The following HECTD4 variants were observed in gnomAD, a reference collection of about 807,000 sequenced individuals.
HECTD4 encodes the protein HECT domain E3 ubiquitin protein ligase 4, also known as probable E3 ubiquitin-protein ligase HECTD4.
HECTD4 carries 114 observed loss-of-function variants against 471.5 expected under a neutral mutation model. The ratio of observed to expected loss-of-function variants is 0.24; its 90% CI spans 0.21 to 0.28. The LOEUF is 0.28. Among genes scored for constraint, HECTD4 ranks in the 10% least tolerant of loss-of-function variants. HECTD4 has a pLI of 1.00. For missense variants in HECTD4, 3,866 were observed against 5,651.5 expected, an observed-to-expected ratio of 0.68 and a Z score of 10.13; for synonymous variants, 2,012 against 2,256.0, an observed-to-expected ratio of 0.89 and a Z score of 3.07.
chr12:112,173,401 A>AT lies in HECTD4; in HGVS notation c.11595-541dup, dbSNP rs1466741894. Among the ~76,000 whole-genome samples, 2 of 151,108 alleles carry AT rather than the reference A, an allele frequency of 1.3e-5. No individual in the cohort carries two copies. The highest frequency in any genetic ancestry group is 1.3e-4 in the Admixed American group (2 of 15,136). ...TTAATTTTTTTATTTTTATTTATTT[A>AT]TTTTTTGAGATGGAGTCTCGCTCTA... On this transcript the variant is annotated intron_variant, in intron 66 of 75. Coordinates refer to ENST00000682272, the MANE Select transcript of HECTD4 (RefSeq NM_001388303.1). The surrounding 1 kb of genome is among the most constrained non-coding windows in gnomAD (Gnocchi z 4.3).
rs1221006088 is a variant in HECTD4 at position 112,381,363 on chromosome 12, C to T, written c.177+589G>A. On this transcript the variant is annotated intron_variant, in intron 1 of 75. Coordinates refer to ENST00000682272, the MANE Select transcript of HECTD4 (RefSeq NM_001388303.1). The surrounding 1 kb of genome is among the most constrained non-coding windows in gnomAD (Gnocchi z 4.1). ...GGAGCATCCCTCTCGCTGTCCACAG[C>T]GCCCGCTTCCCTGACAAAGGCCCCG... Among the ~76,000 whole-genome samples the T allele has an allele frequency of 6.6e-6, 1 of 152,126 alleles. No homozygotes were observed. The highest frequency in any genetic ancestry group is 2.4e-5 in the African/African-American group (1 of 41,440).
chr12:112,204,459 T>C (rs772567188), intron 53 of HECTD4, 27 bp downstream of exon 53: 18 of 1,593,626 alleles, frequency 1.1e-5, no homozygotes, highest in Non-Finnish European at 1.5e-5. Flanking sequence ...GGAAATTTCA[T>C]AGGTCGAGTA....
In HECTD4 at chr12:112,166,070, A is replaced by T. The variant is rs1250453322; in HGVS notation, c.12534+1247T>A. ...GGGCCTTGGCCATCCCTGTAGCCAG[A>T]AGCCTCAGCTGGCCTGTCTACCGGG... On this transcript the variant is annotated intron_variant, in intron 72 of 75. Coordinates refer to ENST00000682272, the MANE Select transcript of HECTD4 (RefSeq NM_001388303.1). This position sits in a 1 kb window ranked among gnomAD's most constrained non-coding sequence, Gnocchi z 4.6. 6.6e-6 allele frequency: 1 copy of T among 152,616 alleles called. No individual in the cohort carries two copies. Among genetic ancestry groups the T allele is most frequent in the Non-Finnish European group, 1.5e-5 (1 of 68,396 alleles). 9.5% of individuals were successfully genotyped at this position (152,616 alleles called of 1,614,324 possible). A position where few individuals can be genotyped will look rare whatever the true frequency, so the allele number is the denominator to read the frequency against.
intron 1 of HECTD4, among the ~76,000 whole-genome samples, chr12:112,340,686 G>C (rs1441226080): frequency 6.6e-6 from 1 of 152,140 alleles, no homozygotes; most frequent in Non-Finnish European, 1.5e-5. Context: ...TAGAGTGTGT[G>C]CAGTAAGGCT....
rs578147461 is a variant in HECTD4, at chr12:112,292,971, GA to G, written c.1336-9670del. On this transcript the variant is annotated intron_variant, in intron 7 of 75. Coordinates refer to ENST00000682272, the MANE Select transcript of HECTD4 (RefSeq NM_001388303.1). The stretch of plus-strand genomic sequence containing the variant: ...CAGGAGGCGGAGGTTGCAGTGAGCT[GA>G]GATCACACCATTGCACTCCAGCCTG... Among the ~76,000 whole-genome samples, 129 of 151,950 alleles carry G rather than the reference GA, an allele frequency of 8.5e-4. 1 individual carries two copies. The Middle Eastern group carries it at 0.01, about 12-fold the overall frequency.
Position 112,212,221 on chromosome 12 carries a change from C to G in HECTD4, c.7629+266G>C, listed in dbSNP as rs190184511. ...GACATTTGAAAGAACTCTAGTGTTCCTTGCATTGTTGTCTGGGAAAGGTTG... is the reference window on the plus strand; with the variant it reads ...GACATTTGAAAGAACTCTAGTGTTCGTTGCATTGTTGTCTGGGAAAGGTTG... On this transcript the variant is annotated intron_variant, in intron 49 of 75. Transcript: ENST00000682272. 1.7e-3 allele frequency among the ~76,000 whole-genome samples: 254 copies of G among 152,306 alleles called. 1 individual carries two copies. Among genetic ancestry groups the G allele is most frequent in the Non-Finnish European group, 3.7e-4 (25 of 68,026 alleles).
chr12:112,228,154 A>G lies in HECTD4; in HGVS notation c.6789T>C (p.Pro2263=). The change falls in exon 43 of 76, where the codon CCT becomes CCC. Residue 2263 remains proline (P), a synonymous_variant. Transcript: ENST00000682272. The surrounding 1 kb of genome is among the most constrained non-coding windows in gnomAD (Gnocchi z 4.9). ...CAGGAGCTGACCCATCTCCTGTTGC[A>G]GGAAGTGAGGTGTGAATAGAGAGAC... ...EGSLSIHTSL[P]ATGDGSAPVM... is the part of the protein sequence containing the mutation. The G allele has an allele frequency of 1.2e-6, 2 of 1,613,910 alleles. No individual in the cohort carries two copies. The highest frequency in any genetic ancestry group is 1.1e-5 in the South Asian group (1 of 91,074).
At chr12:112,231,192 G>A in intron 39 of HECTD4, 1 of 455,674 alleles carries the variant, frequency 2.2e-6, no homozygotes, top group Non-Finnish European at 4.0e-6. Flanking sequence ...TTCAGTTGGG[G>A]CAGTGGAGAT....
intron 1 of HECTD4, among the ~76,000 whole-genome samples, chr12:112,364,827 C>A (rs1287705677): frequency 6.6e-6 from 1 of 152,204 alleles, no homozygotes; most frequent in Non-Finnish European, 1.5e-5. Flanking sequence ...AAAATAACTA[C>A]CTATTCTTAT....
At chr12:112,350,877 A>G (rs1204364039) in intron 1 of HECTD4, among the ~76,000 whole-genome samples, 3 of 152,200 alleles carry the variant, frequency 2.0e-5, no homozygotes, top group Non-Finnish European at 4.4e-5. Flanking sequence ...CTCTTTGGCT[A>G]ATGTGGCTAG....
chr12:112,165,024 C>A (rs574370839), intron 72 of HECTD4, among the ~76,000 whole-genome samples: 1 of 149,460 alleles, frequency 6.7e-6, no homozygotes, highest in East Asian at 2.0e-4. Context: ...TGGGTTCAAG[C>A]AATTCTCTGC....
intron 7 of HECTD4, among the ~76,000 whole-genome samples, chr12:112,288,768 A>G (rs1475308389): frequency 6.6e-6 from 1 of 152,208 alleles, no homozygotes; most frequent in Admixed American, 6.5e-5. Flanking sequence ...GAGAGGCCCT[A>G]GAGGATGACA....
intron 29 of HECTD4, among the ~76,000 whole-genome samples, chr12:112,245,166 C>A (rs1175197333): frequency 6.6e-6 from 1 of 152,006 alleles, no homozygotes; most frequent in Non-Finnish European, 1.5e-5. Context: ...CCATGCCTGG[C>A]TAATTTTTAT....
intron 69 of HECTD4, 138 bp downstream of exon 69, chr12:112,170,195 C>G: frequency 1.6e-6 from 2 of 1,237,912 alleles, no homozygotes. Flanking sequence ...CAGGAAGCCA[C>G]ACACCAGGGC....
rs912834302 is a variant in HECTD4 at position 112,166,309 on chromosome 12, G to A, written c.12534+1008C>T. On this transcript the variant is annotated intron_variant, in intron 72 of 75. Coordinates refer to ENST00000682272, the MANE Select transcript of HECTD4 (RefSeq NM_001388303.1). This position sits in a 1 kb window ranked among gnomAD's most constrained non-coding sequence, Gnocchi z 4.6. ...TTGTCTTGCAATGGCTGCCCTGAGT[G>A]ACCCAGGGGGACAATGGCAGAGACC... 2 of 152,240 alleles carry A rather than the reference G, an allele frequency of 1.3e-5. No individual in the cohort carries two copies. Among genetic ancestry groups the A allele is most frequent in the African/African-American group, 2.4e-5 (1 of 41,466 alleles). The allele number at this position is 152,240 out of a possible 1,614,324, so 9.4% of individuals were successfully genotyped here.
rs2033381255 is a variant in HECTD4 at position 112,231,579 on chromosome 12, G to T, written c.6134C>A (p.Ser2045Tyr). ...GGCAGTTTTCTTTTTGTCGCCTGTG[G>T]ATAGTCCACTCACAGTCTCTGGGTT... The part of the protein sequence containing the change: ...SINPETVSGL[S>Y]TGDKKKTAQT... The change falls in exon 39 of 76, where the codon TCC (serine) becomes TAC (tyrosine). Residue 2045 changes from serine to tyrosine, a missense_variant. By Grantham distance (144) the Ser-to-Tyr change is moderately radical. Around this residue, in one of 16 missense-constraint regions of HECTD4, gnomAD observed 617 missense variants for 915.1 expected, o/e 0.67. Transcript: ENST00000682272. The T allele has an allele frequency of 6.2e-7, 1 of 1,614,008 alleles. No homozygotes were observed. The highest frequency in any genetic ancestry group is 8.5e-7 in the Non-Finnish European group (1 of 1,179,886).
Position 112,253,574 on chromosome 12 carries a change from C to G in HECTD4, c.3447+469G>C, listed in dbSNP as rs16941968. Among the ~76,000 whole-genome samples, 8,491 of 152,228 alleles carry G rather than the reference C, an allele frequency of 0.056. 1,301 individuals carry two copies. In the East Asian group the frequency reaches 0.61, roughly 11 times the overall value. On this transcript the variant is annotated intron_variant, in intron 22 of 75. Coordinates refer to ENST00000682272, the MANE Select transcript of HECTD4 (RefSeq NM_001388303.1). ...TATATTCATATTCCAGGCAGATACA[C>G]AGTTAAGTAGTTTGAGGGCCAAATT...
chr12:112,360,098 GGT>G, intron 1 of HECTD4, among the ~76,000 whole-genome samples: 1 of 152,168 alleles, frequency 6.6e-6, no homozygotes, highest in African/African-American at 2.4e-5. Context: ...TATTTTTCTT[GGT>G]AACTAGAAGA....
intron 3 of HECTD4, among the ~76,000 whole-genome samples, chr12:112,313,648 C>T (rs1309506802): frequency 1.3e-5 from 2 of 151,918 alleles, no homozygotes; most frequent in African/African-American, 2.4e-5. Flanking sequence ...CCATCACGCC[C>T]GGCTAATTTT....
Sources: allele counts gnomAD v4.1 joint callset (sites outside exome capture counted in the v4.1 genomes callset), GRCh38; gene constraint gnomAD v4.1.1; regional missense constraint gnomAD v4.1.1; non-coding constraint Gnocchi (gnomAD v3.1); transcripts MANE v1.5; gene names NCBI Gene and HGNC (gene_info 2026-07-23, HGNC 2026-07-21).